GLRB: variants seen among roughly 807,000 people sequenced by gnomAD.
The protein encoded by GLRB is glycine receptor subunit beta.
In GLRB, 33 loss-of-function variants were observed where a neutral mutation model predicts 54.2. That is an observed-to-expected ratio of 0.61 (90% CI 0.46 to 0.81). GLRB has a LOEUF of 0.81. Among genes scored for constraint, GLRB ranks in the 40% least tolerant of loss-of-function variants. GLRB has a pLI of 0.00. For missense variants in GLRB, 572 were observed against 584.6 expected (o/e 0.98, Z 0.22); for synonymous variants, 209 against 208.2 (o/e 1.00, Z -0.03).
intron 2 of GLRB, among the ~76,000 whole-genome samples, chr4:157,079,478 T>C (rs1734151539): frequency 6.6e-6 from 1 of 152,212 alleles, no homozygotes; most frequent in Non-Finnish European, 1.5e-5. Flanking sequence ...ACGTAATGTC[T>C]AGCATTAAAT....
At chr4:157,134,886 GC>G (rs112379522) in intron 4 of GLRB, among the ~76,000 whole-genome samples, 12,909 of 152,054 alleles carry the variant, frequency 0.085, 1,490 homozygotes, top group African/African-American at 0.27. Flanking sequence ...TTAATGTTTA[GC>G]TTCCCAGCTA....
At chr4:157,088,558 G>A (rs1008602360) in intron 2 of GLRB, among the ~76,000 whole-genome samples, 2 of 151,984 alleles carry the variant, frequency 1.3e-5, no homozygotes, top group African/African-American at 2.4e-5. Context: ...TTCAGTGTTA[G>A]CATAACATTT....
chr4:157,079,261 A>C (rs1228458412), intron 2 of GLRB, among the ~76,000 whole-genome samples: 2 of 152,230 alleles, frequency 1.3e-5, no homozygotes, highest in Non-Finnish European at 2.9e-5. Context: ...AATATTTCTC[A>C]AATGTAATAT....
intron 7 of GLRB, among the ~76,000 whole-genome samples, chr4:157,140,126 A>G (rs972535464): frequency 1.3e-5 from 2 of 152,010 alleles, no homozygotes; most frequent in African/African-American, 4.8e-5. Context: ...AGCTTATAGT[A>G]CATTAGGAAA....
chr4:157,087,254 C>T (rs1465459185), intron 2 of GLRB, among the ~76,000 whole-genome samples: 1 of 152,036 alleles, frequency 6.6e-6, no homozygotes, highest in Non-Finnish European at 1.5e-5. Flanking sequence ...TTACTTTGTA[C>T]GTCTACTAAA....
At chr4:157,153,807 C>A (rs972402361) in intron 9 of GLRB, among the ~76,000 whole-genome samples, 4 of 152,152 alleles carry the variant, frequency 2.6e-5, no homozygotes, top group Non-Finnish European at 5.9e-5. Context: ...CCACAGAAGA[C>A]CAATAGGTCC....
intron 9 of GLRB, among the ~76,000 whole-genome samples, chr4:157,154,762 T>G (rs987565898): frequency 1.3e-5 from 2 of 152,108 alleles, no homozygotes; most frequent in African/African-American, 4.8e-5. Context: ...TACTTGAACA[T>G]TTTTTTAGAA....
At chr4:157,108,926 A>C (rs565255539) in intron 2 of GLRB, among the ~76,000 whole-genome samples, 1 of 152,122 alleles carries the variant, frequency 6.6e-6, no homozygotes, top group Non-Finnish European at 1.5e-5. Context: ...ATCAGTCAGC[A>C]GTCATCAACA....
chr4:157,101,606 G>A (rs1301781942), intron 2 of GLRB, among the ~76,000 whole-genome samples: 1 of 151,974 alleles, frequency 6.6e-6, no homozygotes, highest in African/African-American at 2.4e-5. Flanking sequence ...CTACTGTTTT[G>A]TGGTGAGGGG....
At chr4:157,109,501 T>C (rs1735340813) in intron 2 of GLRB, among the ~76,000 whole-genome samples, 1 of 152,030 alleles carries the variant, frequency 6.6e-6, no homozygotes, top group Admixed American at 6.6e-5. Flanking sequence ...AACAGATGTG[T>C]GTGTGGCATT....
At chr4:157,162,934 G>C (rs903749021) in intron 9 of GLRB, among the ~76,000 whole-genome samples, 1 of 152,182 alleles carries the variant, frequency 6.6e-6, no homozygotes, top group Non-Finnish European at 1.5e-5. Flanking sequence ...GCCCCCAGAG[G>C]TGGAGTCTAG....
At chr4:157,165,851 T>G (rs996562897) in intron 9 of GLRB, among the ~76,000 whole-genome samples, 42 of 152,102 alleles carry the variant, frequency 2.8e-4, no homozygotes, top group Admixed American at 2.1e-3. Flanking sequence ...TTATATAAAT[T>G]AGAAAATAAA....
At chr4:157,110,437 A>G (rs1018045292) in intron 2 of GLRB, among the ~76,000 whole-genome samples, 1 of 151,710 alleles carries the variant, frequency 6.6e-6, no homozygotes, top group African/African-American at 2.4e-5. Context: ...GATTTTCTCT[A>G]TTGAATTTTT....
rs189613047 is a variant in GLRB at position 157,138,082 on chromosome 4, T to G, written c.611-727T>G. 6.1e-3 allele frequency among the ~76,000 whole-genome samples: 932 copies of G among 152,278 alleles called. 9 individuals carry two copies. Among genetic ancestry groups the G allele is most frequent in the African/African-American group, 0.021 (880 of 41,548 alleles). The stretch of plus-strand genomic sequence containing the variant: ...CAGTGATCATAATGATGATGATGAT[T>G]ATTTTTTAAAACAGAGTCTTGCTCT... On this transcript the variant is annotated intron_variant, in intron 6 of 9. Coordinates refer to ENST00000264428, the MANE Select transcript of GLRB (RefSeq NM_000824.5).
At chr4:157,136,204 G>A (rs987798954) in intron 4 of GLRB, among the ~76,000 whole-genome samples, 1 of 152,118 alleles carries the variant, frequency 6.6e-6, no homozygotes, top group Non-Finnish European at 1.5e-5. Context: ...TAAAGGTAAA[G>A]GAACTATCAA....
chr4:157,087,373 A>C (rs899854556), intron 2 of GLRB, among the ~76,000 whole-genome samples: 10 of 152,134 alleles, frequency 6.6e-5, no homozygotes, highest in African/African-American at 2.4e-4. Flanking sequence ...CACTTAATCT[A>C]TCTGAGTCTC....
At chr4:157,158,479 T>G (rs1351435611) in intron 9 of GLRB, among the ~76,000 whole-genome samples, 1 of 152,254 alleles carries the variant, frequency 6.6e-6, no homozygotes, top group African/African-American at 2.4e-5. Flanking sequence ...AACATTTAAG[T>G]CTTTAATCCA....
chr4:157,119,875 A>G (rs976477979), intron 2 of GLRB, among the ~76,000 whole-genome samples: 1 of 151,770 alleles, frequency 6.6e-6, no homozygotes, highest in Non-Finnish European at 1.5e-5. Context: ...CAGCCATCCC[A>G]TTACTGGGTA....
At chr4:157,078,504 GT>G (rs149433466) in intron 2 of GLRB, among the ~76,000 whole-genome samples, 10 of 150,768 alleles carry the variant, frequency 6.6e-5, no homozygotes, top group South Asian at 2.1e-4. Flanking sequence ...AGTTCAAAAA[GT>G]TTTTTTTTAA....
Sources: gnomAD v4.1 joint callset for allele counts (sites outside exome capture counted in the v4.1 genomes callset) on GRCh38, gnomAD v4.1.1 for gene constraint, MANE v1.5 for transcripts, NCBI Gene and HGNC (gene_info 2026-07-23, HGNC 2026-07-21) for gene names.